The following DPP10 variants were observed in gnomAD, a reference collection of about 807,000 sequenced individuals.
The protein encoded by DPP10 is inactive dipeptidyl peptidase 10.
DPP10 carries 33 observed loss-of-function variants against 120.9 expected under a neutral mutation model. The observed-to-expected ratio is 0.27, with a 90% CI of 0.21 to 0.37. The LOEUF is 0.37. DPP10 is among the 10% of genes least tolerant of loss of function. The probability of loss-of-function intolerance (pLI) is 1.00; values close to 1 mark genes in which losing one functional copy is unlikely to be tolerated. For missense variants in DPP10, 816 were observed against 942.8 expected (o/e 0.87, Z 1.76); for synonymous variants, 337 against 326.1 (o/e 1.03, Z -0.36).
intron 1 of DPP10, among the ~76,000 whole-genome samples, chr2:115,193,019 T>TA (rs149279641): frequency 0.025 from 3,756 of 152,248 alleles, 72 homozygotes; most frequent in Non-Finnish European, 0.038. Flanking sequence ...TCCACATTCT[T>TA]ATGCCTCCTT....
chr2:115,028,261 G>T (rs1409787131), intron 1 of DPP10, among the ~76,000 whole-genome samples: 7 of 152,062 alleles, frequency 4.6e-5, no homozygotes, highest in African/African-American at 1.7e-4. Flanking sequence ...ATCATTTGTT[G>T]TATCCCATAG....
intron 1 of DPP10, among the ~76,000 whole-genome samples, chr2:114,721,819 G>A (rs1701721284): frequency 6.6e-6 from 1 of 152,176 alleles, no homozygotes; most frequent in Admixed American, 6.5e-5. Context: ...ATAGCTGGTT[G>A]GTGAGAATAT....
At chr2:115,347,591 T>C (rs1433437277) in intron 3 of DPP10, among the ~76,000 whole-genome samples, 4 of 152,032 alleles carry the variant, frequency 2.6e-5, no homozygotes, top group Non-Finnish European at 4.4e-5. Flanking sequence ...CATCGTCCCA[T>C]CATCTACATT....
At chr2:115,498,510 A>G (rs1434899816) in intron 3 of DPP10, among the ~76,000 whole-genome samples, 2 of 151,852 alleles carry the variant, frequency 1.3e-5, no homozygotes, top group African/African-American at 4.8e-5. Flanking sequence ...TTCATTCACT[A>G]TAAGTAGTGA....
chr2:115,297,770 CAGA>C (rs767894198), intron 1 of DPP10, among the ~76,000 whole-genome samples: 4 of 152,028 alleles, frequency 2.6e-5, no homozygotes, highest in Non-Finnish European at 4.4e-5. Flanking sequence ...CAGAATGTAG[CAGA>C]AGATTATATA....
At chr2:115,489,281 G>T (rs1242152020) in intron 3 of DPP10, among the ~76,000 whole-genome samples, 2 of 151,508 alleles carry the variant, frequency 1.3e-5, no homozygotes, top group Admixed American at 1.3e-4. Flanking sequence ...GCCCAATGCT[G>T]TAGTTTATGG....
intron 1 of DPP10, among the ~76,000 whole-genome samples, chr2:114,921,510 T>C (rs1380329888): frequency 6.6e-6 from 1 of 152,214 alleles, no homozygotes; most frequent in Non-Finnish European, 1.5e-5. Context: ...TATTATTTCA[T>C]CTTGTAATAG....
At chr2:114,571,077 A>C (rs1573684360) in intron 1 of DPP10, among the ~76,000 whole-genome samples, 1 of 152,190 alleles carries the variant, frequency 6.6e-6, no homozygotes, top group Middle Eastern at 3.4e-3. Flanking sequence ...ATACTGCTTA[A>C]ATAAGAACAG....
At chr2:115,534,759 C>G (rs981900475) in intron 5 of DPP10, among the ~76,000 whole-genome samples, 1 of 150,430 alleles carries the variant, frequency 6.6e-6, no homozygotes, top group African/African-American at 2.5e-5. Flanking sequence ...TCTCCACATC[C>G]TCTCCAGCAC....
intron 3 of DPP10, among the ~76,000 whole-genome samples, chr2:115,433,055 A>G (rs1312454751): frequency 1.3e-5 from 2 of 152,062 alleles, no homozygotes; most frequent in Non-Finnish European, 2.9e-5. Context: ...TCTGTCAGAC[A>G]GTAAGGATTG....
At chr2:115,347,857 C>T (rs1261977672) in intron 3 of DPP10, among the ~76,000 whole-genome samples, 1 of 152,068 alleles carries the variant, frequency 6.6e-6, no homozygotes, top group Non-Finnish European at 1.5e-5. Flanking sequence ...ATATATGTGC[C>T]ACATTTTCTT....
chr2:115,372,215 A>T (rs1210489010), intron 3 of DPP10, among the ~76,000 whole-genome samples: 3 of 152,174 alleles, frequency 2.0e-5, no homozygotes, highest in Non-Finnish European at 4.4e-5. Flanking sequence ...ATGAAAGGAG[A>T]ACAACTTTAA....
intron 8 of DPP10, among the ~76,000 whole-genome samples, chr2:115,738,998 A>G (rs1329696885): frequency 6.6e-6 from 1 of 152,224 alleles, no homozygotes; most frequent in African/African-American, 2.4e-5. Flanking sequence ...TCCTATGACC[A>G]TGAAGATGAG....
intron 1 of DPP10, among the ~76,000 whole-genome samples, chr2:114,516,690 G>A (rs1684618444): frequency 1.3e-5 from 2 of 152,146 alleles, no homozygotes; most frequent in African/African-American, 2.4e-5. Flanking sequence ...TTACAAGAAA[G>A]CATACCAAAT....
intron 19 of DPP10, among the ~76,000 whole-genome samples, chr2:115,796,133 T>C (rs1398124084): frequency 6.6e-6 from 1 of 152,072 alleles, no homozygotes; most frequent in Non-Finnish European, 1.5e-5. Flanking sequence ...CAAAGAGAAA[T>C]CCCATCCTTT....
intron 3 of DPP10, among the ~76,000 whole-genome samples, chr2:115,351,223 A>G (rs2064011415): frequency 6.6e-6 from 1 of 152,150 alleles, no homozygotes; most frequent in African/African-American, 2.4e-5. Context: ...TTTTGCAGCA[A>G]CATGGATGCA....
chr2:115,009,981 G>A (rs1702144275), intron 1 of DPP10, among the ~76,000 whole-genome samples: 2 of 151,926 alleles, frequency 1.3e-5, no homozygotes, highest in Non-Finnish European at 2.9e-5. Context: ...TTTTCAGTTT[G>A]GCATCTACTT....
At chr2:115,445,978 G>T (rs574390843) in intron 3 of DPP10, among the ~76,000 whole-genome samples, 10 of 152,152 alleles carry the variant, frequency 6.6e-5, no homozygotes, top group Middle Eastern at 3.4e-3. Flanking sequence ...GGTCTAGGAG[G>T]TCTAGGAGGG....
chr2:115,834,935 A>C (rs1019086460), intron 21 of DPP10, among the ~76,000 whole-genome samples: 2 of 152,094 alleles, frequency 1.3e-5, no homozygotes, highest in Non-Finnish European at 2.9e-5. Context: ...AATACAAAAA[A>C]AATTAGCCGG....
Sources: gnomAD v4.1 joint callset for allele counts (sites outside exome capture counted in the v4.1 genomes callset) on GRCh38, gnomAD v4.1.1 for gene constraint, MANE v1.5 for transcripts, NCBI Gene and HGNC (gene_info 2026-07-23, HGNC 2026-07-21) for gene names.